The following TTBK2 variants were observed in gnomAD, a reference collection of about 807,000 sequenced individuals.
The protein encoded by TTBK2 is tau-tubulin kinase 2.
A neutral mutation model predicts 110.8 loss-of-function variants in TTBK2; 28 were observed. The ratio of observed to expected loss-of-function variants is 0.25; its 90% CI spans 0.19 to 0.35. The LOEUF (loss-of-function observed/expected upper bound fraction) is 0.35, where lower values mean the gene tolerates loss of function less well. Ranked by LOEUF, TTBK2 falls within the 10% of genes least tolerant of loss-of-function variation. The pLI, the probability that TTBK2 is intolerant of heterozygous loss-of-function variation, is 1.00. For synonymous variants in TTBK2, 532 were observed against 527.3 expected, an observed-to-expected ratio of 1.01 and a Z score of -0.12; for missense variants, 1,369 against 1,500.3, an observed-to-expected ratio of 0.91 and a Z score of 1.45.
rs911267538 is a variant in TTBK2, at chr15:42,750,141, C to G, written c.3272+1833G>C. ...GCAAATCCCGAAGAAAGGGGAAAAT[C>G]TTATTTTCAGAGTTACCACATTATT... On this transcript the variant is annotated intron_variant, in intron 14 of 14. Transcript: ENST00000267890. 3.3e-5 allele frequency among the ~76,000 whole-genome samples: 5 copies of G among 151,942 alleles called. No homozygotes were observed. The South Asian group carries it at 1.0e-3, about 32-fold the overall frequency.
chr15:42,917,695 A>G (rs2031157269), intron 1 of TTBK2, among the ~76,000 whole-genome samples: 1 of 152,016 alleles, frequency 6.6e-6, no homozygotes. Context: ...AAAAAAAAAA[A>G]AGACTAGGAA....
At position 42,797,450 on chromosome 15, in the gene TTBK2, T is replaced by C. The variant is rs376753669; in HGVS notation, c.823-2649A>G. Among the ~76,000 whole-genome samples the C allele has an allele frequency of 4.6e-5, 7 of 152,178 alleles. No individual in the cohort carries two copies. The South Asian group carries it at 1.2e-3, about 27-fold the overall frequency. On this transcript the variant is annotated intron_variant, in intron 9 of 14. Transcript: ENST00000267890. ...GATGGAGGACACAGAACAAAAGAAATAGGAAAGCTAAAAGCACTGAGGCAC... is the reference window on the plus strand; with the variant it reads ...GATGGAGGACACAGAACAAAAGAAACAGGAAAGCTAAAAGCACTGAGGCAC...
chr15:42,855,991 A>G (rs1476611708), intron 3 of TTBK2, among the ~76,000 whole-genome samples: 1 of 152,148 alleles, frequency 6.6e-6, no homozygotes, highest in Non-Finnish European at 1.5e-5. Context: ...CAAGACCACA[A>G]CTTATTATTC....
Position 42,815,954 on chromosome 15 carries a change from A to ATATATATAT in TTBK2, c.603+1077_603+1078insATATATATA, listed in dbSNP as rs1393860735. Among the ~76,000 whole-genome samples, 146 of 53,376 alleles carry ATATATATAT rather than the reference A, an allele frequency of 2.7e-3. 4 individuals are homozygous for ATATATATAT. Among genetic ancestry groups the ATATATATAT allele is most frequent in the East Asian group, 0.017 (36 of 2,070 alleles). 35.0% of individuals were successfully genotyped at this position (53,376 alleles called of 152,430 possible). ...AAAATATATATATATATATTTAAAA[A>ATATATATAT]AAAAATATATATATATATATATATT... is the stretch of plus-strand genomic sequence containing the variant. On this transcript the variant is annotated intron_variant, in intron 7 of 14. Transcript: ENST00000267890.
At chr15:42,824,122 G>A (rs974922428) in intron 6 of TTBK2, among the ~76,000 whole-genome samples, 4 of 152,124 alleles carry the variant, frequency 2.6e-5, no homozygotes, top group African/African-American at 4.8e-5. Flanking sequence ...CGACCCCTCC[G>A]CTCCCAAGGG....
intron 10 of TTBK2, among the ~76,000 whole-genome samples, chr15:42,786,178 C>T (rs1890407154): frequency 6.6e-6 from 1 of 151,894 alleles, no homozygotes; most frequent in African/African-American, 2.4e-5. Flanking sequence ...ATCTGTAGTT[C>T]TGACAGTGGA....
At chr15:42,770,393 T>C (rs912303714) in intron 13 of TTBK2, among the ~76,000 whole-genome samples, 2 of 152,160 alleles carry the variant, frequency 1.3e-5, no homozygotes, top group African/African-American at 4.8e-5. Context: ...GGGCTTTTTA[T>C]TCTTGGTACT....
intron 13 of TTBK2, among the ~76,000 whole-genome samples, chr15:42,756,442 TGGGG>T (rs1364820885): frequency 6.6e-6 from 1 of 151,212 alleles, no homozygotes; most frequent in Non-Finnish European, 1.5e-5. Context: ...AAAAATTAGC[TGGGG>T]GTGATGGCGG....
At chr15:42,882,915 T>C (rs1204871051) in intron 1 of TTBK2, among the ~76,000 whole-genome samples, 1 of 152,070 alleles carries the variant, frequency 6.6e-6, no homozygotes. Context: ...GTAATTATAA[T>C]ACAGAAAAAT....
In TTBK2 at chr15:42,825,383, A is replaced by G. The variant is rs188967408; in HGVS notation, c.537+2545T>C. Among the ~76,000 whole-genome samples the G allele has an allele frequency of 2.2e-3, 338 of 152,302 alleles. 1 individual carries two copies. Among genetic ancestry groups the G allele is most frequent in the African/African-American group, 7.9e-3 (329 of 41,580 alleles). ...CAAGGGCTGCACTGGGTAATATGAT[A>G]GCCACTTAAAATTAATTGAATTTAA... On this transcript the variant is annotated intron_variant, in intron 6 of 14. Coordinates refer to ENST00000267890, the MANE Select transcript of TTBK2 (RefSeq NM_173500.4).
At chr15:42,842,503 C>T (rs184765790) in intron 3 of TTBK2, among the ~76,000 whole-genome samples, 1 of 152,196 alleles carries the variant, frequency 6.6e-6, no homozygotes, top group African/African-American at 2.4e-5. Context: ...GGAAGAGTAA[C>T]AGGCCAAAGC....
intron 1 of TTBK2, among the ~76,000 whole-genome samples, chr15:42,906,319 C>T (rs1286934109): frequency 6.6e-6 from 1 of 152,128 alleles, no homozygotes; most frequent in African/African-American, 2.4e-5. Flanking sequence ...AAGAAAATTA[C>T]CATATTTGCA....
intron 9 of TTBK2, among the ~76,000 whole-genome samples, chr15:42,810,165 T>C (rs780138317): frequency 6.6e-5 from 10 of 152,188 alleles, no homozygotes; most frequent in Non-Finnish European, 1.3e-4. Context: ...GAAATGATTC[T>C]CTGACCACAG....
chr15:42,865,513 T>A lies in TTBK2; in HGVS notation c.217+7098A>T, dbSNP rs1387157260. On this transcript the variant is annotated intron_variant, in intron 3 of 14. Transcript: ENST00000267890. ...GAATGGAAGACAAAAATAATAATAC[T>A]AAAAAAAAAAAAAAAACCAACAACA... Among the ~76,000 whole-genome samples the A allele has an allele frequency of 2.6e-3, 287 of 109,236 alleles. 1 individual carries two copies. Among genetic ancestry groups the A allele is most frequent in the African/African-American group, 8.7e-3 (256 of 29,340 alleles). The allele number at this position is 109,236 out of a possible 152,430, so 71.7% of individuals were successfully genotyped here.
In TTBK2 at chr15:42,739,039, C is replaced by G. The variant is rs1334678665; in HGVS notation, c.*6756G>C. The G allele has an allele frequency of 6.6e-6, 1 of 152,062 alleles. No individual in the cohort carries two copies. Among genetic ancestry groups the G allele is most frequent in the Non-Finnish European group, 1.5e-5 (1 of 67,992 alleles). 9.4% of individuals were successfully genotyped at this position (152,062 alleles called of 1,614,324 possible). A position where few individuals can be genotyped will look rare whatever the true frequency, so the allele number is the denominator to read the frequency against. The stretch of plus-strand genomic sequence containing the variant: ...AATAAAATACAAAATAATTTTAAAA[C>G]AGAACTTAAAACACTGTACAAAGCT... On this transcript the variant is annotated 3_prime_UTR_variant, in exon 15 of 15. Coordinates refer to ENST00000267890, the MANE Select transcript of TTBK2 (RefSeq NM_173500.4).
At chr15:42,864,492 G>A (rs1274269430) in intron 3 of TTBK2, among the ~76,000 whole-genome samples, 1 of 152,002 alleles carries the variant, frequency 6.6e-6, no homozygotes, top group Non-Finnish European at 1.5e-5. Flanking sequence ...GCTGAGGCAG[G>A]AGAATCCCTT....
At chr15:42,816,085 A>AATATATATATAT (rs71431870) in intron 7 of TTBK2, among the ~76,000 whole-genome samples, 116 of 67,426 alleles carry the variant, frequency 1.7e-3, no homozygotes, top group African/African-American at 5.0e-3. Context: ...TAAATAAATA[A>AATATATATATAT]ATATATATAT....
intron 1 of TTBK2, among the ~76,000 whole-genome samples, chr15:42,880,163 C>T (rs1409289763): frequency 6.6e-6 from 1 of 151,846 alleles, no homozygotes; most frequent in Non-Finnish European, 1.5e-5. Context: ...CAGAAAGGAC[C>T]GTAACAACAA....
intron 1 of TTBK2, among the ~76,000 whole-genome samples, chr15:42,895,114 T>C (rs906444749): frequency 2.6e-5 from 4 of 152,310 alleles, no homozygotes; most frequent in Admixed American, 2.6e-4. Flanking sequence ...ACTGTCAGTT[T>C]TAACACAATT....
Sources: gnomAD v4.1 joint callset for allele counts (sites outside exome capture counted in the v4.1 genomes callset) on GRCh38, gnomAD v4.1.1 for gene constraint, MANE v1.5 for transcripts, NCBI Gene and HGNC (gene_info 2026-07-23, HGNC 2026-07-21) for gene names.